DGKB: variants seen among roughly 807,000 people sequenced by gnomAD.
DGKB encodes 90 kDa diacylglycerol kinase.
In DGKB, 67 loss-of-function variants were observed where a neutral mutation model predicts 114.3. The ratio of observed to expected loss-of-function variants is 0.59; its 90% CI spans 0.48 to 0.72. The LOEUF (loss-of-function observed/expected upper bound fraction) is 0.72, where lower values mean the gene tolerates loss of function less well. Ranked by LOEUF, DGKB falls within the 30% of genes least tolerant of loss-of-function variation. The pLI is 0.00. For synonymous variants in DGKB, 398 were observed against 323.1 expected (o/e 1.23, Z -2.49); for missense variants, 907 against 975.2 (o/e 0.93, Z 0.93).
chr7:14,674,743 C>T (rs959520272), intron 12 of DGKB, among the ~76,000 whole-genome samples: 2 of 151,974 alleles, frequency 1.3e-5, no homozygotes, highest in South Asian at 2.1e-4. Context: ...TAACATAGGT[C>T]GATATCTGAG....
At chr7:14,330,062 G>T (rs1419729167) in intron 23 of DGKB, among the ~76,000 whole-genome samples, 1 of 151,888 alleles carries the variant, frequency 6.6e-6, no homozygotes, top group Non-Finnish European at 1.5e-5. Context: ...TAAAGCATTT[G>T]TATTTTCTAA....
rs1781454089 is a variant in DGKB at position 14,146,152 on chromosome 7, G to A, written c.*2979C>T. 6.6e-6 allele frequency: 1 copy of A among 152,166 alleles called. No individual in the cohort carries two copies. The highest frequency in any genetic ancestry group is 2.1e-4 in the South Asian group (1 of 4,828). The allele number at this position is 152,166 out of a possible 1,614,324, so 9.4% of individuals were successfully genotyped here. On this transcript the variant is annotated 3_prime_UTR_variant, in exon 26 of 26. Transcript: ENST00000402815. ...TCCTTCCACCACAATAAATTGATCA[G>A]CATTTTCACATGAAATACATGGTGT...
At chr7:14,973,672 C>T (rs1264921615) in intron 1 of DGKB, among the ~76,000 whole-genome samples, 3 of 149,708 alleles carry the variant, frequency 2.0e-5, no homozygotes, top group Non-Finnish European at 1.5e-5. Flanking sequence ...GCCTTTTAAT[C>T]ATGTTTATGC....
chr7:14,382,614 G>T (rs1008322145), intron 21 of DGKB, among the ~76,000 whole-genome samples: 7 of 151,976 alleles, frequency 4.6e-5, no homozygotes, highest in African/African-American at 1.7e-4. Flanking sequence ...CTGTATTAAG[G>T]GTCAGAATAG....
At chr7:14,282,241 C>CAAAT (rs1454149545) in intron 23 of DGKB, among the ~76,000 whole-genome samples, 7 of 132,068 alleles carry the variant, frequency 5.3e-5, no homozygotes, top group African/African-American at 2.0e-4. Flanking sequence ...CACCTCTATG[C>CAAAT]AAATAAACTA....
At chr7:14,764,712 G>A (rs1466393250) in intron 2 of DGKB, among the ~76,000 whole-genome samples, 1 of 151,506 alleles carries the variant, frequency 6.6e-6, no homozygotes, top group Non-Finnish European at 1.5e-5. Flanking sequence ...TCCTATGTAT[G>A]AATATATATT....
chr7:14,794,882 C>G (rs1562553578), intron 2 of DGKB, among the ~76,000 whole-genome samples: 1 of 152,136 alleles, frequency 6.6e-6, no homozygotes, highest in African/African-American at 2.4e-5. Flanking sequence ...CCTCCTCTAC[C>G]CACAGTGACA....
At chr7:14,454,980 A>T (rs1338310518) in intron 21 of DGKB, among the ~76,000 whole-genome samples, 1 of 152,092 alleles carries the variant, frequency 6.6e-6, no homozygotes, top group Non-Finnish European at 1.5e-5. Flanking sequence ...AAGAGGCAGA[A>T]GTAGAATTCA....
rs1293479355 is a variant in DGKB at position 14,846,844 on chromosome 7, C to T, written c.-187-5394G>A. On this transcript the variant is annotated intron_variant, in intron 1 of 25. Coordinates refer to ENST00000402815, the MANE Select transcript of DGKB (RefSeq NM_001350709.2). ...CCCTATAATTAGGCGAGAAATCAAC[C>T]TACTCGTGAAGACGCCATTCGGCAA... 2.0e-5 allele frequency among the ~76,000 whole-genome samples: 3 copies of T among 152,190 alleles called. No homozygotes were observed. In the East Asian group the frequency reaches 5.8e-4, roughly 29 times the overall value.
intron 21 of DGKB, among the ~76,000 whole-genome samples, chr7:14,476,443 T>G (rs757139473): frequency 6.6e-6 from 1 of 152,116 alleles, no homozygotes; most frequent in Non-Finnish European, 1.5e-5. Flanking sequence ...TTACTTTGAT[T>G]TAATTTTGAA....
intron 2 of DGKB, among the ~76,000 whole-genome samples, chr7:14,770,062 A>G (rs1319865104): frequency 6.6e-6 from 1 of 152,110 alleles, no homozygotes; most frequent in Non-Finnish European, 1.5e-5. Context: ...TCAGTAGGCA[A>G]AACTTTAAAG....
intron 23 of DGKB, among the ~76,000 whole-genome samples, chr7:14,281,362 G>A (rs78224999): frequency 0.72 from 80,764 of 112,800 alleles, 30,010 homozygotes; most frequent in Non-Finnish European, 0.81. Flanking sequence ...TTCATAAAGC[G>A]AGTCCTGAGT....
At chr7:14,974,818 T>A (rs993311459), upstream of DGKB, 9 of 152,150 alleles carry the variant, frequency 5.9e-5, no homozygotes, top group African/African-American at 2.2e-4. Context: ...TATTCAGAAA[T>A]ATAGATGACA....
intron 23 of DGKB, among the ~76,000 whole-genome samples, chr7:14,290,491 C>T (rs1412628350): frequency 6.6e-6 from 1 of 152,096 alleles, no homozygotes; most frequent in African/African-American, 2.4e-5. Context: ...TTCACTGATG[C>T]TCACGTCCAT....
intron 21 of DGKB, among the ~76,000 whole-genome samples, chr7:14,373,507 C>T (rs10755842): frequency 0.47 from 71,565 of 151,896 alleles, 19,259 homozygotes; most frequent in East Asian, 0.61. Flanking sequence ...AATCTGAGTT[C>T]AGTAATTAAA....
intron 1 of DGKB, among the ~76,000 whole-genome samples, chr7:14,842,059 T>C (rs562141837): frequency 5.9e-5 from 9 of 152,254 alleles, no homozygotes; most frequent in Non-Finnish European, 1.2e-4. Context: ...TCACTGGCTA[T>C]ATCTGTAAAG....
intron 4 of DGKB, among the ~76,000 whole-genome samples, chr7:14,744,443 G>T (rs771249228): frequency 6.6e-6 from 1 of 152,026 alleles, no homozygotes; most frequent in African/African-American, 2.4e-5. Flanking sequence ...CCTCATACAG[G>T]GTTCCTAATC....
chr7:14,847,290 CA>C (rs369385721), intron 1 of DGKB, among the ~76,000 whole-genome samples: 11,909 of 92,772 alleles, frequency 0.13, 621 homozygotes, highest in East Asian at 0.36. Flanking sequence ...GACTCCGTCT[CA>C]AAAAAAAAAA....
intron 13 of DGKB, among the ~76,000 whole-genome samples, chr7:14,656,206 C>G (rs983726633): frequency 1.3e-5 from 2 of 151,326 alleles, no homozygotes; most frequent in African/African-American, 4.8e-5. Flanking sequence ...TGCAAAAAAC[C>G]AACCAAAATC....
Sources: gnomAD v4.1 joint callset for allele counts (sites outside exome capture counted in the v4.1 genomes callset) on GRCh38, gnomAD v4.1.1 for gene constraint, MANE v1.5 for transcripts, NCBI Gene and HGNC (gene_info 2026-07-23, HGNC 2026-07-21) for gene names.